The following ASIC2 variants were observed in gnomAD, a reference collection of about 807,000 sequenced individuals.
ASIC2 encodes acid sensing ion channel subunit 2, also known as acid-sensing ion channel 2.
ASIC2 carries 25 observed loss-of-function variants against 57.3 expected under a neutral mutation model. That is an observed-to-expected ratio of 0.44 (90% CI 0.32 to 0.61). The LOEUF is 0.61. Ranked by LOEUF, ASIC2 falls within the 20% of genes least tolerant of loss-of-function variation. The probability of loss-of-function intolerance (pLI) is 0.06; values close to 1 mark genes in which losing one functional copy is unlikely to be tolerated. For synonymous variants in ASIC2, 319 were observed against 307.5 expected (o/e 1.04, Z -0.39); for missense variants, 641 against 738.1 (o/e 0.87, Z 1.52).
chr17:33,456,074 C>G (rs927260871), intron 1 of ASIC2, among the ~76,000 whole-genome samples: 1 of 152,168 alleles, frequency 6.6e-6, no homozygotes, highest in Non-Finnish European at 1.5e-5. Flanking sequence ...CCAACTCCCC[C>G]CAACCCCCAG....
chr17:33,364,281 AT>A (rs1908722307), intron 1 of ASIC2, among the ~76,000 whole-genome samples: 1 of 152,194 alleles, frequency 6.6e-6, no homozygotes, highest in Non-Finnish European at 1.5e-5. Context: ...ATCAATAAGA[AT>A]TGGAATTTGT....
At chr17:33,912,848 G>A (rs1245336323) in intron 1 of ASIC2, among the ~76,000 whole-genome samples, 3 of 151,986 alleles carry the variant, frequency 2.0e-5, no homozygotes, top group African/African-American at 7.3e-5. Flanking sequence ...GCGTGGTGGT[G>A]CATGCCTATA....
At chr17:33,324,061 A>G (rs548944063) in intron 1 of ASIC2, among the ~76,000 whole-genome samples, 3 of 152,284 alleles carry the variant, frequency 2.0e-5, no homozygotes, top group African/African-American at 7.2e-5. Context: ...TCAGAGGCAT[A>G]TTGTAAGGGC....
intron 1 of ASIC2, among the ~76,000 whole-genome samples, chr17:34,035,839 T>A (rs976613224): frequency 3.3e-5 from 5 of 152,036 alleles, no homozygotes; most frequent in African/African-American, 1.2e-4. Context: ...TGAGATACCA[T>A]CTCACACCAG....
chr17:33,982,084 A>G (rs868285650), intron 1 of ASIC2, among the ~76,000 whole-genome samples: 1 of 152,202 alleles, frequency 6.6e-6, no homozygotes, highest in Non-Finnish European at 1.5e-5. Context: ...ACAGATCTGC[A>G]TCCTTGTTCT....
intron 1 of ASIC2, among the ~76,000 whole-genome samples, chr17:33,182,025 T>G (rs1226974639): frequency 6.6e-6 from 1 of 152,194 alleles, no homozygotes; most frequent in Non-Finnish European, 1.5e-5. Flanking sequence ...GGACTTTGAG[T>G]GCAGATTGAC....
intron 2 of ASIC2, among the ~76,000 whole-genome samples, chr17:33,100,812 A>G (rs1029583540): frequency 6.6e-6 from 1 of 152,206 alleles, no homozygotes; most frequent in African/African-American, 2.4e-5. Context: ...GGGCTGTCTC[A>G]TCTGCTTCCT....
intron 2 of ASIC2, among the ~76,000 whole-genome samples, chr17:33,096,681 G>A (rs533618131): frequency 6.6e-6 from 1 of 152,362 alleles, no homozygotes; most frequent in African/African-American, 2.4e-5. Flanking sequence ...AGTGCTAGGA[G>A]AAGTGATGCA....
chr17:33,641,261 G>A (rs957655491), intron 1 of ASIC2, among the ~76,000 whole-genome samples: 3 of 152,216 alleles, frequency 2.0e-5, no homozygotes, highest in Non-Finnish European at 4.4e-5. Context: ...AGACAGGGCT[G>A]AGAGAGGAAA....
At chr17:33,383,009 A>G (rs1352902990) in intron 1 of ASIC2, among the ~76,000 whole-genome samples, 2 of 142,992 alleles carry the variant, frequency 1.4e-5, no homozygotes, top group African/African-American at 5.2e-5. Context: ...TGCCCACAGA[A>G]TGAGTTCAGG....
intron 1 of ASIC2, among the ~76,000 whole-genome samples, chr17:34,021,870 C>G (rs1441848807): frequency 7.4e-6 from 1 of 134,594 alleles, no homozygotes. Flanking sequence ...CAGAGTCTAG[C>G]TCTGTCACCC....
intron 1 of ASIC2, among the ~76,000 whole-genome samples, chr17:33,919,403 A>G (rs1397143365): frequency 1.3e-5 from 2 of 152,356 alleles, no homozygotes; most frequent in Admixed American, 6.5e-5. Context: ...GTCAACACAA[A>G]GAAGCAACGG....
At chr17:33,939,639 C>T (rs1008206918) in intron 1 of ASIC2, among the ~76,000 whole-genome samples, 1 of 152,190 alleles carries the variant, frequency 6.6e-6, no homozygotes, top group African/African-American at 2.4e-5. Flanking sequence ...GGAGTCAATT[C>T]CACAGAGCTG....
chr17:33,612,437 AG>A (rs1905442300), intron 1 of ASIC2, among the ~76,000 whole-genome samples: 1 of 152,188 alleles, frequency 6.6e-6, no homozygotes, highest in African/African-American at 2.4e-5. Context: ...CCAAACAATG[AG>A]GAAGAGAGTT....
chr17:33,859,258 T>C (rs189106723), intron 1 of ASIC2, among the ~76,000 whole-genome samples: 2 of 152,316 alleles, frequency 1.3e-5, no homozygotes, highest in South Asian at 2.1e-4. Flanking sequence ...GAAGGGATTC[T>C]CCAGGCTAGA....
chr17:33,273,960 T>G (rs1410677300), intron 1 of ASIC2, among the ~76,000 whole-genome samples: 1 of 152,188 alleles, frequency 6.6e-6, no homozygotes, highest in Non-Finnish European at 1.5e-5. Context: ...TTCCTTGCAA[T>G]CACTCTGTGG....
At position 33,962,656 on chromosome 17, in the gene ASIC2, C is replaced by T. The variant is rs549479712; in HGVS notation, c.555+193322G>A. ...AACCAAGGCTCAGCTGACTCCACCT[C>T]AAATCAACAGGATGCTCTTTAAGTA... On this transcript the variant is annotated intron_variant, in intron 1 of 9. Coordinates refer to the ASIC2 transcript ENST00000359872. Among the ~76,000 whole-genome samples, 7 of 152,234 alleles carry T rather than the reference C, an allele frequency of 4.6e-5. No individual in the cohort carries two copies. The South Asian group carries it at 1.5e-3, about 32-fold the overall frequency.
chr17:33,644,112 C>A (rs961261699), intron 1 of ASIC2, among the ~76,000 whole-genome samples: 26 of 152,178 alleles, frequency 1.7e-4, no homozygotes, highest in African/African-American at 6.0e-4. Context: ...TGGTCAGGTT[C>A]TCTTGCTTCT....
intron 1 of ASIC2, among the ~76,000 whole-genome samples, chr17:33,937,875 G>A (rs1916102731): frequency 6.6e-6 from 1 of 152,182 alleles, no homozygotes; most frequent in Non-Finnish European, 1.5e-5. Context: ...CTGGTACAAA[G>A]CAGATGATGA....
Sources: allele counts gnomAD v4.1 joint callset (sites outside exome capture counted in the v4.1 genomes callset), GRCh38; gene constraint gnomAD v4.1.1; transcripts MANE v1.5; gene names NCBI Gene and HGNC (gene_info 2026-07-23, HGNC 2026-07-21).